Variants in NAGK observed in about 807,000 individuals in gnomAD.
NAGK encodes the protein N-acetyl-D-glucosamine kinase.
In NAGK, 35 loss-of-function variants were observed where a neutral mutation model predicts 42.9. The ratio of observed to expected loss-of-function variants is 0.82; its 90% CI spans 0.62 to 1.08. The LOEUF (loss-of-function observed/expected upper bound fraction) is 1.08. NAGK is among the 50% of genes least tolerant of loss of function. The pLI is 0.00. For missense variants in NAGK, 446 were observed against 446.0 expected (o/e 1.00, Z 0.00); for synonymous variants, 172 against 176.0 (o/e 0.98, Z 0.18).
intron 8 of NAGK, among the ~76,000 whole-genome samples, 191 bp downstream of exon 8, chr2:71,076,892 G>A (rs1273862382): frequency 6.6e-6 from 1 of 152,150 alleles, no homozygotes; most frequent in Non-Finnish European, 1.5e-5. Context: ...CTCTGTAATT[G>A]GCCTGTAATC....
intron 1 of NAGK, chr2:71,070,276 G>T: frequency 2.2e-6 from 1 of 461,444 alleles, no homozygotes; most frequent in East Asian, 4.3e-5. Context: ...CGTAAGTAGA[G>T]TCTTGCAGGA....
At chr2:71,078,284 C>G (rs758488208) in intron 9 of NAGK, 34 bp from the exon 10 acceptor site, 1 of 1,604,532 alleles carries the variant, frequency 6.2e-7, no homozygotes, top group Non-Finnish European at 8.5e-7. Context: ...TTGCTGTTCT[C>G]CTCTTATCTC....
intron 9 of NAGK, 104 bp downstream of exon 9, chr2:71,077,740 C>T (rs1672270607): frequency 1.5e-6 from 2 of 1,291,738 alleles, no homozygotes; most frequent in Non-Finnish European, 2.2e-6. Flanking sequence ...TTCCTGGACC[C>T]TGAGGCCTAG....
upstream of NAGK, chr2:71,068,530 G>A (rs550904969): frequency 4.8e-6 from 7 of 1,460,790 alleles, no homozygotes; most frequent in Non-Finnish European, 6.3e-6. Context: ...GCTCCTACCG[G>A]CGCCCCGCCC....
chr2:71,077,510 T>C, intron 8 of NAGK, 48 bp from the exon 9 acceptor site: 2 of 1,555,106 alleles, frequency 1.3e-6, no homozygotes, highest in Non-Finnish European at 1.7e-6. Context: ...CCTTCAGCAC[T>C]GGAGAGGCTA....
intron 8 of NAGK, 73 bp downstream of exon 8, chr2:71,076,774 A>G: frequency 1.3e-5 from 16 of 1,241,828 alleles, no homozygotes; most frequent in Non-Finnish European, 1.9e-5. Flanking sequence ...GGATGGGACT[A>G]TCCCATCAAA....
chr2:71,072,147 G>T, intron 4 of NAGK: 1 of 336,238 alleles, frequency 3.0e-6, no homozygotes, highest in Non-Finnish European at 5.6e-6. Flanking sequence ...GTGGCCTTGT[G>T]ATAGTGTAAA....
At position 71,070,835 on chromosome 2, in the gene NAGK, G is replaced by C; in HGVS notation, c.209G>C (p.Ser70Thr). ...GTGGATCCTCTGGTACCGCTGCGAA[G>C]CTTGGTGAGTCTGGGGCGGAGCCTG... ...AGVDPLVPLR[S>T]LGLSLSGGDQ... Residue 70 changes from serine (S) to threonine (T), a missense_variant, in exon 3 of 10, where the codon AGC becomes ACC. Physicochemically the swap from Ser to Thr is moderately conservative, Grantham distance 58 (BLOSUM62 1). Transcript: ENST00000244204. The C allele has an allele frequency of 1.2e-6, 2 of 1,614,216 alleles. No homozygotes were observed. The highest frequency in any genetic ancestry group is 8.5e-7 in the Non-Finnish European group (1 of 1,180,016).
At position 71,079,402 on chromosome 2, in the gene NAGK, C is replaced by G. The variant is rs1027915353; in HGVS notation, c.*894C>G. The G allele has an allele frequency of 1.3e-5, 2 of 152,214 alleles. No homozygotes were observed. Among genetic ancestry groups the G allele is most frequent in the Non-Finnish European group, 2.9e-5 (2 of 68,046 alleles). 9.4% of individuals were successfully genotyped at this position (152,214 alleles called of 1,614,324 possible). A position where few individuals can be genotyped will look rare whatever the true frequency, so the allele number is the denominator to read the frequency against. On this transcript the variant is annotated 3_prime_UTR_variant, in exon 10 of 10. Coordinates refer to ENST00000244204, the MANE Select transcript of NAGK (RefSeq NM_017567.6). ...TCTCGATCCACAATAGCTGCCTCTC[C>G]AGGTGTTTTATTAGAGGCATGTGGA...
intron 4 of NAGK, 86 bp from the exon 5 acceptor site, chr2:71,072,555 G>T: frequency 1.7e-6 from 2 of 1,169,766 alleles, no homozygotes. Flanking sequence ...GCCTGGGGCT[G>T]TTTTCTGTCC....
upstream of NAGK, chr2:71,068,517 C>G: frequency 1.4e-6 from 2 of 1,448,608 alleles, no homozygotes; most frequent in Non-Finnish European, 1.8e-6. Flanking sequence ...GCAGCCATCC[C>G]CGGCTCCTAC....
chr2:71,072,192 C>T, intron 4 of NAGK: 1 of 280,846 alleles, frequency 3.6e-6, no homozygotes, highest in Non-Finnish European at 6.8e-6. Context: ...GTTTGAATCC[C>T]AGTTCCTGTT....
intron 1 of NAGK, 66 bp downstream of exon 1, chr2:71,068,778 C>A: frequency 7.0e-7 from 1 of 1,433,594 alleles, no homozygotes; most frequent in East Asian, 3.0e-5. Flanking sequence ...GCCAGCCTGG[C>A]AAGCTGGTGG....
At chr2:71,075,377 G>T (rs1672168891) in intron 6 of NAGK, 178 bp from the exon 7 acceptor site, 3 of 580,612 alleles carry the variant, frequency 5.2e-6, no homozygotes, top group African/African-American at 3.7e-5. Flanking sequence ...TGAAGTCCAT[G>T]TTAGGGAACA....
intron 7 of NAGK, 100 bp downstream of exon 7, chr2:71,075,742 T>C: frequency 1.7e-6 from 2 of 1,192,246 alleles, no homozygotes. Context: ...ACAATTTTCC[T>C]CTCACCAAGT....
chr2:71,076,038 C>T (rs1043314193), intron 7 of NAGK: 1 of 234,944 alleles, frequency 4.3e-6, no homozygotes, highest in Non-Finnish European at 8.5e-6. Context: ...GAACAGAGGG[C>T]TTGTATATCT....
chr2:71,071,735 T>C lies in NAGK; in HGVS notation c.263T>C (p.Ile88Thr), dbSNP rs1672013003. The C allele has an allele frequency of 3.1e-6, 5 of 1,613,946 alleles. No individual in the cohort carries two copies. Among genetic ancestry groups the C allele is most frequent in the Non-Finnish European group, 4.2e-6 (5 of 1,180,020 alleles). Residue 88 changes from isoleucine to threonine, a missense_variant, in exon 4 of 10, where the codon ATC becomes ACC. Ile to Thr is a moderately conservative substitution (Grantham distance 89). Coordinates refer to ENST00000244204, the MANE Select transcript of NAGK (RefSeq NM_017567.6). Reference protein sequence around the residue: ...GDQEDAGRILIEELRDRFPYL... With the variant: ...GDQEDAGRILTEELRDRFPYL... ...CAGGAGGACGCGGGGAGGATCCTGATCGAGGAGCTGAGGGACCGATTTCCC... is the reference window on the plus strand; with the variant it reads ...CAGGAGGACGCGGGGAGGATCCTGACCGAGGAGCTGAGGGACCGATTTCCC...
chr2:71,072,853 C>G, intron 5 of NAGK, 102 bp downstream of exon 5: 3 of 1,055,588 alleles, frequency 2.8e-6, no homozygotes, highest in Non-Finnish European at 4.3e-6. Context: ...CTTGGGGCTT[C>G]CTGGGGACAA....
chr2:71,068,526 A>C (rs751228151), upstream of NAGK: 14 of 1,458,870 alleles, frequency 9.6e-6, no homozygotes, highest in South Asian at 1.9e-4. Flanking sequence ...CCCGGCTCCT[A>C]CCGGCGCCCC....
Sources: gnomAD v4.1 joint callset for allele counts (sites outside exome capture counted in the v4.1 genomes callset) on GRCh38, gnomAD v4.1.1 for gene constraint, MANE v1.5 for transcripts, NCBI Gene and HGNC (gene_info 2026-07-23, HGNC 2026-07-21) for gene names.